SPATA16: variants seen among roughly 807,000 people sequenced by gnomAD.
The protein encoded by SPATA16 is spermatogenesis-associated protein 16.
SPATA16 carries 36 observed loss-of-function variants against 63.3 expected under a neutral mutation model. The ratio of observed to expected loss-of-function variants is 0.57; its 90% CI spans 0.44 to 0.75. The LOEUF is 0.75. Ranked by LOEUF, SPATA16 falls within the 30% of genes least tolerant of loss-of-function variation. The pLI, the probability that SPATA16 is intolerant of heterozygous loss-of-function variation, is 0.00. For synonymous variants in SPATA16, 203 were observed against 216.7 expected (o/e 0.94, Z 0.56); for missense variants, 646 against 679.3 (o/e 0.95, Z 0.54).
chr3:173,010,978 T>C (rs564917110), intron 4 of SPATA16, among the ~76,000 whole-genome samples: 1 of 152,046 alleles, frequency 6.6e-6, no homozygotes, highest in African/African-American at 2.4e-5. Context: ...CTGGACCAGA[T>C]GGATTCACAC....
chr3:173,101,430 C>T, intron 2 of SPATA16, among the ~76,000 whole-genome samples: 1 of 152,208 alleles, frequency 6.6e-6, no homozygotes, highest in East Asian at 1.9e-4. Context: ...AAGGAGCCCA[C>T]ATCCCCTACA....
At chr3:173,089,069 G>A (rs570333199) in intron 2 of SPATA16, among the ~76,000 whole-genome samples, 4 of 152,306 alleles carry the variant, frequency 2.6e-5, no homozygotes, top group Middle Eastern at 3.4e-3. Flanking sequence ...TTATAAAGCA[G>A]ATGTGTAGTT....
At chr3:173,039,285 A>G (rs1735785251) in intron 3 of SPATA16, among the ~76,000 whole-genome samples, 1 of 152,282 alleles carries the variant, frequency 6.6e-6, no homozygotes, top group East Asian at 1.9e-4. Context: ...AAAAACAAAT[A>G]TAAAAGAATC....
At chr3:173,055,879 A>G (rs1297546342) in intron 2 of SPATA16, among the ~76,000 whole-genome samples, 1 of 152,228 alleles carries the variant, frequency 6.6e-6, no homozygotes, top group Non-Finnish European at 1.5e-5. Context: ...ACAACTGCCT[A>G]TGAATCTATA....
At chr3:172,893,977 T>G (rs1045338905) in intron 10 of SPATA16, among the ~76,000 whole-genome samples, 7 of 152,218 alleles carry the variant, frequency 4.6e-5, no homozygotes, top group Admixed American at 3.9e-4. Flanking sequence ...AAAAGTTTTT[T>G]TAAAGAAGAA....
At chr3:172,988,396 G>T (rs1252310615) in intron 4 of SPATA16, among the ~76,000 whole-genome samples, 2 of 152,140 alleles carry the variant, frequency 1.3e-5, no homozygotes, top group African/African-American at 4.8e-5. Context: ...GTAAATTTTA[G>T]GTAGCTATAC....
At chr3:173,100,707 C>CACACAG (rs1553803001) in intron 2 of SPATA16, among the ~76,000 whole-genome samples, 3 of 143,808 alleles carry the variant, frequency 2.1e-5, no homozygotes, top group African/African-American at 8.0e-5. Flanking sequence ...CACACACACA[C>CACACAG]AGAGTAAATT....
chr3:173,036,706 A>G (rs898609859), intron 3 of SPATA16, among the ~76,000 whole-genome samples: 1 of 152,058 alleles, frequency 6.6e-6, no homozygotes, highest in African/African-American at 2.4e-5. Context: ...TTCTAGCTGC[A>G]TACCTTGTGT....
chr3:173,088,007 C>CGTCT (rs748583664), intron 2 of SPATA16, among the ~76,000 whole-genome samples: 1 of 118,310 alleles, frequency 8.5e-6, no homozygotes. Flanking sequence ...ATTTTCTTTC[C>CGTCT]GTCTTTCTTT....
At chr3:172,915,610 C>T (rs1313693029) in intron 9 of SPATA16, among the ~76,000 whole-genome samples, 3 of 152,110 alleles carry the variant, frequency 2.0e-5, no homozygotes, top group East Asian at 1.9e-4. Flanking sequence ...GTTTAGTAAA[C>T]TGTTTTTCAA....
chr3:173,017,492 A>G (rs376622162), intron 4 of SPATA16, among the ~76,000 whole-genome samples: 22 of 152,330 alleles, frequency 1.4e-4, no homozygotes, highest in African/African-American at 4.8e-4. Flanking sequence ...GCTTGATACA[A>G]TTATGTTATA....
At chr3:172,932,726 A>G (rs1210631744) in intron 6 of SPATA16, among the ~76,000 whole-genome samples, 1 of 152,136 alleles carries the variant, frequency 6.6e-6, no homozygotes, top group Non-Finnish European at 1.5e-5. Context: ...CAGATAGTAT[A>G]TTTTGATTTT....
In SPATA16 at chr3:172,982,863, A is replaced by G. The variant is rs116302062; in HGVS notation, c.849-5811T>C. Among the ~76,000 whole-genome samples, 862 of 152,316 alleles carry G rather than the reference A, an allele frequency of 5.7e-3. 5 individuals carry two copies. Among genetic ancestry groups the G allele is most frequent in the African/African-American group, 0.02 (822 of 41,566 alleles). Reference sequence around the variant, plus strand: ...CTGACATTTCTCAAGGCCTATGTTCAGATTCAAAATTTATAACATTTCTAC... The same window carrying G: ...CTGACATTTCTCAAGGCCTATGTTCGGATTCAAAATTTATAACATTTCTAC... On this transcript the variant is annotated intron_variant, in intron 4 of 10. Transcript: ENST00000351008.
At chr3:173,029,677 C>A (rs1414694944) in intron 3 of SPATA16, among the ~76,000 whole-genome samples, 2 of 152,032 alleles carry the variant, frequency 1.3e-5, no homozygotes, top group Non-Finnish European at 2.9e-5. Flanking sequence ...GCCACACAAC[C>A]ATCTTTGAAA....
intron 2 of SPATA16, among the ~76,000 whole-genome samples, chr3:173,088,393 A>G (rs1209022919): frequency 1.3e-5 from 2 of 151,952 alleles, no homozygotes; most frequent in African/African-American, 4.8e-5. Context: ...GCCAAAGCAT[A>G]GTTTTATAAG....
At chr3:173,108,066 C>T (rs953625004) in intron 2 of SPATA16, among the ~76,000 whole-genome samples, 16 of 152,110 alleles carry the variant, frequency 1.1e-4, no homozygotes, top group Non-Finnish European at 1.9e-4. Context: ...GAATCAAACA[C>T]ATAATGACCA....
At position 172,889,668 on chromosome 3, in the gene SPATA16, A is replaced by G. The variant is rs995144486; in HGVS notation, c.1612T>C (p.Tyr538His). Reference sequence around the variant, plus strand: ...TTTAAGAAACTGTCCTCTAATTGGTATAGAAAATCTTCAATTTGTCCAACC... The same window carrying G: ...TTTAAGAAACTGTCCTCTAATTGGTGTAGAAAATCTTCAATTTGTCCAACC... The part of the protein sequence containing the change: ...QKVGQIEDFL[Y>H]QLEDSFLKTK... Residue 538 changes from tyrosine (Y) to histidine (H), a missense_variant, in exon 11 of 11, where the codon TAC becomes CAC. Coordinates refer to ENST00000351008, the MANE Select transcript of SPATA16 (RefSeq NM_031955.6). 1.2e-6 allele frequency: 2 copies of G among 1,613,414 alleles called. No homozygotes were observed. The highest frequency in any genetic ancestry group is 2.7e-5 in the African/African-American group (2 of 74,908).
At chr3:173,122,984 A>G (rs183524766) in intron 1 of SPATA16, among the ~76,000 whole-genome samples, 1 of 152,230 alleles carries the variant, frequency 6.6e-6, no homozygotes, top group African/African-American at 2.4e-5. Context: ...CTGTAAGAAC[A>G]TGGGACTGAT....
intron 1 of SPATA16, among the ~76,000 whole-genome samples, chr3:173,119,876 T>C (rs543948812): frequency 1.5e-5 from 2 of 133,358 alleles, no homozygotes; most frequent in South Asian, 5.4e-4. Context: ...TCATCTGAGG[T>C]CAAGAGTTCA....
Sources: allele counts gnomAD v4.1 joint callset (sites outside exome capture counted in the v4.1 genomes callset), GRCh38; gene constraint gnomAD v4.1.1; transcripts MANE v1.5; gene names NCBI Gene and HGNC (gene_info 2026-07-23, HGNC 2026-07-21).